CBL: variants seen among roughly 807,000 people sequenced by gnomAD.
The protein encoded by CBL is E3 ubiquitin-protein ligase CBL.
CBL carries 45 observed loss-of-function variants against 96.9 expected under a neutral mutation model. That is an observed-to-expected ratio of 0.46 (90% CI 0.37 to 0.60). The LOEUF (loss-of-function observed/expected upper bound fraction) is 0.60. Among genes scored for constraint, CBL ranks in the 20% least tolerant of loss-of-function variants. The pLI is 0.00. For missense variants in CBL, 1,024 were observed against 1,143.5 expected (o/e 0.90, Z 1.51); for synonymous variants, 420 against 426.8 (o/e 0.98, Z 0.20).
chr11:119,222,845 T>A (rs1303163367), intron 1 of CBL, among the ~76,000 whole-genome samples: 2 of 152,078 alleles, frequency 1.3e-5, no homozygotes, highest in Admixed American at 6.6e-5. Context: ...AATAAGGACT[T>A]TTTTTCCTTT....
intron 2 of CBL, among the ~76,000 whole-genome samples, chr11:119,256,337 G>A (rs1192483577): frequency 3.3e-5 from 5 of 151,732 alleles, no homozygotes; most frequent in African/African-American, 1.2e-4. Flanking sequence ...CCGCCGCTAC[G>A]CCCAGCTAAT....
In CBL at chr11:119,245,956, C is replaced by CTTTTTTTTT. The variant is rs71048054; in HGVS notation, c.443+13287_443+13295dup. On this transcript the variant is annotated intron_variant, in intron 2 of 15. Coordinates refer to ENST00000264033, the MANE Select transcript of CBL (RefSeq NM_005188.4). Reference sequence around the variant, plus strand: ...TAAGACAGACGCATTCTTTGCAAATCTTTTTTTTTTTTTTTTTTTTTTTTT... The same window carrying CTTTTTTTTT: ...TAAGACAGACGCATTCTTTGCAAATCTTTTTTTTTTTTTTTTTTTTTTTTTTTTTTTTTT... Among the ~76,000 whole-genome samples the CTTTTTTTTT allele has an allele frequency of 1.2e-3, 63 of 54,304 alleles. 8 individuals are homozygous for CTTTTTTTTT. Among genetic ancestry groups the CTTTTTTTTT allele is most frequent in the Non-Finnish European group, 1.5e-3 (45 of 29,914 alleles). The allele number at this position is 54,304 out of a possible 152,430, so 35.6% of individuals were successfully genotyped here.
rs189881580 is a variant in CBL at position 119,213,221 on chromosome 11, C to A, written c.195+6609C>A. Among the ~76,000 whole-genome samples, 3 of 152,292 alleles carry A rather than the reference C, an allele frequency of 2.0e-5. No individual in the cohort carries two copies. The East Asian group carries it at 5.8e-4, about 29-fold the overall frequency. Reference sequence around the variant, plus strand: ...CTCCTAAAAGCACCTTAGGAAACTTCCTGTATTTTGGAAGTGAGATACACT... The same window carrying A: ...CTCCTAAAAGCACCTTAGGAAACTTACTGTATTTTGGAAGTGAGATACACT... On this transcript the variant is annotated intron_variant, in intron 1 of 15. Transcript: ENST00000264033.
At chr11:119,292,625 C>T (rs548644438) in intron 12 of CBL, among the ~76,000 whole-genome samples, 139 of 152,078 alleles carry the variant, frequency 9.1e-4, no homozygotes, top group African/African-American at 2.9e-3. Context: ...GGTTTCACCA[C>T]GTTAGCCAGG....
At chr11:119,272,426 T>C (rs764413632) in intron 3 of CBL, among the ~76,000 whole-genome samples, 1 of 152,250 alleles carries the variant, frequency 6.6e-6, no homozygotes, top group Non-Finnish European at 1.5e-5. Context: ...AGCCCCATTC[T>C]GCTCTTAATG....
At chr11:119,206,744 T>A (rs1592364833) in intron 1 of CBL, 132 bp downstream of exon 1, 1 of 519,444 alleles carries the variant, frequency 1.9e-6, no homozygotes, top group Non-Finnish European at 2.5e-6. Context: ...GGAGCCGGGG[T>A]GACCGGCCGG....
At chr11:119,216,912 C>T in intron 1 of CBL, among the ~76,000 whole-genome samples, 1 of 151,950 alleles carries the variant, frequency 6.6e-6, no homozygotes, top group East Asian at 1.9e-4. Flanking sequence ...CATTGATTGC[C>T]CTGGAATTAT....
intron 11 of CBL, among the ~76,000 whole-genome samples, chr11:119,286,213 TC>T (rs1181115267): frequency 6.6e-6 from 1 of 152,140 alleles, no homozygotes; most frequent in African/African-American, 2.4e-5. Flanking sequence ...GGCAGGAGAT[TC>T]ATTTGAACCT....
intron 2 of CBL, among the ~76,000 whole-genome samples, chr11:119,238,708 C>T (rs1215183424): frequency 2.0e-5 from 3 of 151,944 alleles, no homozygotes; most frequent in African/African-American, 7.2e-5. Flanking sequence ...GCGAGTACCT[C>T]TAATTTCAGC....
At chr11:119,210,822 G>A (rs1251285978) in intron 1 of CBL, among the ~76,000 whole-genome samples, 1 of 151,688 alleles carries the variant, frequency 6.6e-6, no homozygotes, top group Non-Finnish European at 1.5e-5. Context: ...TTCTGTAAAG[G>A]GAGGTTTCAG....
intron 12 of CBL, among the ~76,000 whole-genome samples, chr11:119,296,310 T>G (rs1950062102): frequency 1.3e-5 from 2 of 152,068 alleles, no homozygotes; most frequent in African/African-American, 4.8e-5. Context: ...GGGAGTTTTT[T>G]CATTTCATTT....
intron 2 of CBL, among the ~76,000 whole-genome samples, chr11:119,262,144 T>C (rs1949759674): frequency 6.6e-6 from 1 of 152,190 alleles, no homozygotes; most frequent in South Asian, 2.1e-4. Context: ...CTGTTATTCT[T>C]TCCATAAACT....
chr11:119,220,348 C>T (rs1022590243), intron 1 of CBL, among the ~76,000 whole-genome samples: 1 of 152,192 alleles, frequency 6.6e-6, no homozygotes, highest in African/African-American at 2.4e-5. Flanking sequence ...GTGGCTCATT[C>T]CTGTAATCCC....
chr11:119,262,890 T>C (rs1032248739), intron 2 of CBL, among the ~76,000 whole-genome samples: 6 of 152,188 alleles, frequency 3.9e-5, no homozygotes, highest in Non-Finnish European at 8.8e-5. Flanking sequence ...ACCGTAGTCA[T>C]TGGAAAGGAA....
At chr11:119,256,231 G>A (rs1415469727) in intron 2 of CBL, among the ~76,000 whole-genome samples, 15 of 144,274 alleles carry the variant, frequency 1.0e-4, no homozygotes, top group African/African-American at 3.6e-4. Context: ...TCGCTCTGTC[G>A]CCCAGGTTGG....
intron 2 of CBL, among the ~76,000 whole-genome samples, chr11:119,258,626 T>C (rs1175229315): frequency 1.3e-5 from 2 of 152,184 alleles, no homozygotes; most frequent in African/African-American, 2.4e-5. Flanking sequence ...AACCATTCAA[T>C]TGATCTATGT....
At chr11:119,271,457 G>T (rs1386539899) in intron 2 of CBL, among the ~76,000 whole-genome samples, 1 of 152,142 alleles carries the variant, frequency 6.6e-6, no homozygotes, top group South Asian at 2.1e-4. Context: ...CATTGTGTTT[G>T]TATCTTTCAT....
At position 119,304,781 on chromosome 11, in the gene CBL, A is replaced by AT. The variant is rs891959327; in HGVS notation, c.*5001dup. 9.0e-4 allele frequency: 174 copies of AT among 192,492 alleles called. No individual in the cohort carries two copies. Among genetic ancestry groups the AT allele is most frequent in the African/African-American group, 3.7e-3 (158 of 43,098 alleles). The allele number at this position is 192,492 out of a possible 1,614,324, so 11.9% of individuals were successfully genotyped here. On this transcript the variant is annotated 3_prime_UTR_variant, in exon 16 of 16. Transcript: ENST00000264033. ...GCTGGGATTACAGGCGCCTGCCACC[A>AT]TGCCCAGCTAATGTTCATATTTTTA... is the stretch of plus-strand genomic sequence containing the variant.
At chr11:119,275,927 G>A in intron 5 of CBL, 70 bp from the exon 6 acceptor site, 1 of 1,380,206 alleles carries the variant, frequency 7.2e-7, no homozygotes, top group Non-Finnish European at 1.0e-6. Flanking sequence ...ATTTTTGTCT[G>A]TATCTTGCCT....
Sources: gnomAD v4.1 joint callset for allele counts (sites outside exome capture counted in the v4.1 genomes callset) on GRCh38, gnomAD v4.1.1 for gene constraint, MANE v1.5 for transcripts, NCBI Gene and HGNC (gene_info 2026-07-23, HGNC 2026-07-21) for gene names.